CNTNAP2: variants seen among roughly 807,000 people sequenced by gnomAD.
CNTNAP2 encodes the protein contactin associated protein 2.
In CNTNAP2, 98 loss-of-function variants were observed where a neutral mutation model predicts 155.2. The ratio of observed to expected loss-of-function variants is 0.63; its 90% CI spans 0.54 to 0.75. The LOEUF (loss-of-function observed/expected upper bound fraction) is 0.75, where lower values mean the gene tolerates loss of function less well. Among genes scored for constraint, CNTNAP2 ranks in the 30% least tolerant of loss-of-function variants. The pLI, the probability that CNTNAP2 is intolerant of heterozygous loss-of-function variation, is 0.00. For missense variants in CNTNAP2, 1,727 were observed against 1,688.1 expected, an observed-to-expected ratio of 1.02 and a Z score of -0.40; for synonymous variants, 651 against 631.2, an observed-to-expected ratio of 1.03 and a Z score of -0.47.
chr7:147,973,898 A>ATCTCACTTAATGATTATTAT (rs1433700220), intron 14 of CNTNAP2, among the ~76,000 whole-genome samples: 1 of 152,168 alleles, frequency 6.6e-6, no homozygotes. Flanking sequence ...AATGTACATT[A>ATCTCACTTAATGATTATTAT]TCTCACTTAA....
chr7:146,788,423 C>T (rs1802614658), intron 2 of CNTNAP2, among the ~76,000 whole-genome samples: 1 of 152,190 alleles, frequency 6.6e-6, no homozygotes, highest in Admixed American at 6.5e-5. Context: ...GTCATATGTT[C>T]TCATAGGATC....
At chr7:146,650,235 C>T (rs1306147762) in intron 1 of CNTNAP2, among the ~76,000 whole-genome samples, 1 of 152,114 alleles carries the variant, frequency 6.6e-6, no homozygotes, top group Non-Finnish European at 1.5e-5. Flanking sequence ...ACTATAAAGA[C>T]ACATGTACAC....
intron 12 of CNTNAP2, among the ~76,000 whole-genome samples, chr7:147,606,698 G>A (rs1801070376): frequency 6.6e-6 from 1 of 152,208 alleles, no homozygotes; most frequent in Admixed American, 6.5e-5. Context: ...GAGACACTGT[G>A]ATAAATGCAA....
intron 10 of CNTNAP2, among the ~76,000 whole-genome samples, chr7:147,459,426 T>C (rs998171068): frequency 2.6e-5 from 4 of 152,128 alleles, no homozygotes; most frequent in Non-Finnish European, 5.9e-5. Context: ...AACCTATGAA[T>C]ATGTCACCTG....
chr7:148,145,334 T>C (rs749165273), intron 16 of CNTNAP2, among the ~76,000 whole-genome samples: 1 of 152,142 alleles, frequency 6.6e-6, no homozygotes, highest in Non-Finnish European at 1.5e-5. Flanking sequence ...AGGGGATCTA[T>C]TGGGACAAGC....
intron 1 of CNTNAP2, among the ~76,000 whole-genome samples, chr7:146,617,994 T>C (rs1799254711): frequency 6.6e-6 from 1 of 152,146 alleles, no homozygotes; most frequent in Non-Finnish European, 1.5e-5. Context: ...TGGTTTGCTT[T>C]TCTTGTATAA....
chr7:148,341,056 T>C (rs1426469043), intron 21 of CNTNAP2, among the ~76,000 whole-genome samples: 1 of 152,198 alleles, frequency 6.6e-6, no homozygotes, highest in African/African-American at 2.4e-5. Flanking sequence ...ATCCAGGAAT[T>C]CCATGCACAT....
chr7:147,669,747 G>A (rs984642184), intron 13 of CNTNAP2, among the ~76,000 whole-genome samples: 5 of 152,220 alleles, frequency 3.3e-5, no homozygotes, highest in African/African-American at 7.2e-5. Context: ...ACCATTGTCC[G>A]CCTCCTGGAC....
At chr7:146,362,089 T>A (rs1795090229) in intron 1 of CNTNAP2, among the ~76,000 whole-genome samples, 1 of 152,210 alleles carries the variant, frequency 6.6e-6, no homozygotes, top group African/African-American at 2.4e-5. Context: ...ATACTCTCAC[T>A]GATTTTAAAA....
chr7:146,999,461 G>T (rs1234896210), intron 3 of CNTNAP2, among the ~76,000 whole-genome samples: 1 of 151,904 alleles, frequency 6.6e-6, no homozygotes, highest in Non-Finnish European at 1.5e-5. Context: ...AAAATATTCT[G>T]AATTTTTGTG....
intron 13 of CNTNAP2, among the ~76,000 whole-genome samples, chr7:147,828,900 A>G (rs1290320934): frequency 6.6e-6 from 1 of 152,178 alleles, no homozygotes; most frequent in African/African-American, 2.4e-5. Context: ...CCTACATAAT[A>G]ATGGTACTAT....
chr7:146,484,949 G>A (rs1287159688), intron 1 of CNTNAP2, among the ~76,000 whole-genome samples: 1 of 152,084 alleles, frequency 6.6e-6, no homozygotes, highest in Non-Finnish European at 1.5e-5. Flanking sequence ...TGATCGTGCT[G>A]ATAAGAATAC....
chr7:147,803,887 T>G (rs1798047067), intron 13 of CNTNAP2, among the ~76,000 whole-genome samples: 1 of 152,212 alleles, frequency 6.6e-6, no homozygotes, highest in Non-Finnish European at 1.5e-5. Context: ...CGAATCCAAT[T>G]TATTCTCCCT....
intron 13 of CNTNAP2, among the ~76,000 whole-genome samples, chr7:147,657,722 C>T (rs956573023): frequency 1.3e-5 from 2 of 152,164 alleles, no homozygotes; most frequent in East Asian, 1.9e-4. Context: ...ATAATGTTAA[C>T]TGCCTTGAAA....
chr7:146,796,371 T>A (rs1048072585), intron 2 of CNTNAP2, among the ~76,000 whole-genome samples: 1 of 152,026 alleles, frequency 6.6e-6, no homozygotes, highest in Non-Finnish European at 1.5e-5. Flanking sequence ...GGCTGGAGTT[T>A]TTAAGGGGAT....
At chr7:146,896,594 A>G (rs1795882667) in intron 3 of CNTNAP2, among the ~76,000 whole-genome samples, 1 of 152,144 alleles carries the variant, frequency 6.6e-6, no homozygotes, top group Non-Finnish European at 1.5e-5. Context: ...ACCAGGCAAT[A>G]TCAAATATTA....
rs372290873 is a variant in CNTNAP2, at chr7:148,401,668, G to C, written c.3716-7723G>C. On this transcript the variant is annotated intron_variant, in intron 22 of 23. Transcript: ENST00000361727. Reference sequence around the variant, plus strand: ...GGCTGGAGTGCAGTGGCACAATCTCGGCTCACTGCAATCTCCGCTTCCCGG... The same window carrying C: ...GGCTGGAGTGCAGTGGCACAATCTCCGCTCACTGCAATCTCCGCTTCCCGG... 7.4e-4 allele frequency among the ~76,000 whole-genome samples: 111 copies of C among 150,980 alleles called. 1 individual carries two copies. Among genetic ancestry groups the C allele is most frequent in the African/African-American group, 2.6e-3 (106 of 41,056 alleles).
chr7:148,028,974 G>C (rs1802420056), intron 15 of CNTNAP2, among the ~76,000 whole-genome samples: 1 of 152,086 alleles, frequency 6.6e-6, no homozygotes, highest in South Asian at 2.1e-4. Flanking sequence ...GTTTTCATAT[G>C]TCTCCAAATA....
intron 3 of CNTNAP2, among the ~76,000 whole-genome samples, chr7:146,994,655 G>A (rs1798274006): frequency 6.6e-6 from 1 of 151,948 alleles, no homozygotes; most frequent in African/African-American, 2.4e-5. Context: ...GTGATTGTAG[G>A]ATCATTTCAA....
Sources: gnomAD v4.1 joint callset for allele counts (sites outside exome capture counted in the v4.1 genomes callset) on GRCh38, gnomAD v4.1.1 for gene constraint, MANE v1.5 for transcripts, NCBI Gene and HGNC (gene_info 2026-07-23, HGNC 2026-07-21) for gene names.